UGT2B17: variants seen among roughly 807,000 people sequenced by gnomAD.
The protein encoded by UGT2B17 is UDP glucuronosyltransferase family 2 member B17.
In UGT2B17, 21 loss-of-function variants were observed where a neutral mutation model predicts 48.2. That is an observed-to-expected ratio of 0.44 (90% CI 0.31 to 0.63). The LOEUF (loss-of-function observed/expected upper bound fraction) is 0.63, where lower values mean the gene tolerates loss of function less well. UGT2B17 is among the 20% of genes least tolerant of loss of function. UGT2B17 has a pLI of 0.08. For missense variants in UGT2B17, 402 were observed against 696.1 expected (o/e 0.58, Z 4.75); for synonymous variants, 146 against 238.4 (o/e 0.61, Z 3.57).
At chr4:68,574,694 C>G (rs1214420799) in intron 1 of UGT2B17, among the ~76,000 whole-genome samples, 1 of 126,246 alleles carries the variant, frequency 7.9e-6, no homozygotes, top group Non-Finnish European at 1.7e-5. Context: ...TTATATTTTA[C>G]TTTTTTATAC....
intron 1 of UGT2B17, among the ~76,000 whole-genome samples, chr4:68,571,083 C>G (rs1731290683): frequency 8.0e-6 from 1 of 125,640 alleles, no homozygotes; most frequent in Non-Finnish European, 1.7e-5. Context: ...GTAAAAATTT[C>G]TAAAACAGCT....
intron 6 of UGT2B17, 152 bp downstream of exon 6, chr4:68,550,525 A>T: frequency 1.7e-6 from 1 of 571,462 alleles, no homozygotes; most frequent in Non-Finnish European, 2.5e-6. Flanking sequence ...ACTTTGAAAT[A>T]ATTGTCTGGT....
chr4:68,547,565 A>G lies in UGT2B17; in HGVS notation c.1313+3112T>C, dbSNP rs1343282910. On this transcript the variant is annotated intron_variant, in intron 6 of 6. Coordinates refer to ENST00000317746, the MANE Select transcript of UGT2B17 (RefSeq NM_001077.4). ...AAAAGCAATGGCAACAAAAGCCAAA[A>G]TTGACAAATGGGATCTCATTAAACT... Among the ~76,000 whole-genome samples the G allele has an allele frequency of 2.4e-5, 3 of 125,454 alleles. 1 individual carries two copies. Among genetic ancestry groups the G allele is most frequent in the Non-Finnish European group, 5.1e-5 (3 of 59,334 alleles). 82.3% of individuals were successfully genotyped at this position (125,454 alleles called of 152,430 possible). A position where few individuals can be genotyped will look rare whatever the true frequency, so the allele number is the denominator to read the frequency against.
In UGT2B17 at chr4:68,550,641, G is replaced by GT. The variant is rs745615918; in HGVS notation, c.1313+35dup. ...ATATTCACTGTTGACAAAATAATTT[G>GT]TAAGTACCACCTGGTCACAAAATTG... On this transcript the variant is annotated intron_variant, in intron 6 of 6. Transcript: ENST00000317746. The GT allele has an allele frequency of 3.0e-6, 4 of 1,331,932 alleles. 1 individual carries two copies. Among genetic ancestry groups the GT allele is most frequent in the Non-Finnish European group, 3.9e-6 (4 of 1,021,490 alleles). The allele number at this position is 1,331,932 out of a possible 1,614,324, so 82.5% of individuals were successfully genotyped here. A position where few individuals can be genotyped will look rare whatever the true frequency, so the allele number is the denominator to read the frequency against.
In UGT2B17 at chr4:68,552,072, C is replaced by T. The variant is rs1167316329; in HGVS notation, c.1006-161G>A. ...AGAACTACTAAAAGTCTGAGGTAAG[C>T]TGAATACCCACATTTAATATCTTTA... On this transcript the variant is annotated intron_variant, in intron 4 of 6. Transcript: ENST00000317746. 2.9e-4 allele frequency among the ~76,000 whole-genome samples: 37 copies of T among 126,368 alleles called. 7 individuals carry two copies. The highest frequency in any genetic ancestry group is 1.0e-3 in the African/African-American group (37 of 36,970). The allele number at this position is 126,368 out of a possible 152,430, so 82.9% of individuals were successfully genotyped here.
rs1288142651 is a variant in UGT2B17, at chr4:68,565,237, T to G, written c.873+335A>C. Among the ~76,000 whole-genome samples, 2 of 126,366 alleles carry G rather than the reference T, an allele frequency of 1.6e-5. 1 individual carries two copies. Among genetic ancestry groups the G allele is most frequent in the Non-Finnish European group, 3.4e-5 (2 of 59,686 alleles). The allele number at this position is 126,366 out of a possible 152,430, so 82.9% of individuals were successfully genotyped here. A position where few individuals can be genotyped will look rare whatever the true frequency, so the allele number is the denominator to read the frequency against. ...GGGCGCAGAAACTGTGCTACCTTTATTCTCTGAAAATCCAGCACTTACCTG... is the reference window on the plus strand; with the variant it reads ...GGGCGCAGAAACTGTGCTACCTTTAGTCTCTGAAAATCCAGCACTTACCTG... On this transcript the variant is annotated intron_variant, in intron 3 of 6. Coordinates refer to ENST00000317746, the MANE Select transcript of UGT2B17 (RefSeq NM_001077.4).
intron 4 of UGT2B17, among the ~76,000 whole-genome samples, chr4:68,555,255 T>C (rs1249908277): frequency 7.9e-6 from 1 of 125,920 alleles, no homozygotes; most frequent in Non-Finnish European, 1.7e-5. Flanking sequence ...TACAAAACTG[T>C]AAACCAAGCC....
chr4:68,568,384 C>T lies in UGT2B17; in HGVS notation c.101G>A (p.Ser34Asn). 1.4e-6 allele frequency: 2 copies of T among 1,380,248 alleles called. No individual in the cohort carries two copies. Among genetic ancestry groups the T allele is most frequent in the Non-Finnish European group, 1.9e-6 (2 of 1,055,274 alleles). 85.5% of individuals were successfully genotyped at this position (1,380,248 alleles called of 1,614,324 possible). Reference sequence around the variant, plus strand: ...GATTGTCTTCATATTTATCCAATGGCTGTATTCTGTGGGCCACACCAGCAC... The same window carrying T: ...GATTGTCTTCATATTTATCCAATGGTTGTATTCTGTGGGCCACACCAGCAC... ...GKVLVWPTEYSHWINMKTILE... is the reference protein window; with the variant it reads ...GKVLVWPTEYNHWINMKTILE... The change falls in exon 2 of 7, where the codon AGC becomes AAC. Residue 34 changes from serine (S) to asparagine (N), a missense_variant. Ser to Asn is a conservative substitution (Grantham distance 46, BLOSUM62 1). Transcript: ENST00000317746.
At chr4:68,558,570 T>A (rs1731046666) in intron 4 of UGT2B17, among the ~76,000 whole-genome samples, 2 of 125,830 alleles carry the variant, frequency 1.6e-5, no homozygotes, top group Admixed American at 1.6e-4. Context: ...TTTGTTTTTG[T>A]TTTTCTCACT....
In UGT2B17 at chr4:68,559,010, A is replaced by T. The variant is rs1446181288; in HGVS notation, c.1005+1527T>A. 1.8e-4 allele frequency among the ~76,000 whole-genome samples: 23 copies of T among 125,790 alleles called. 6 individuals are homozygous for T. The highest frequency in any genetic ancestry group is 2.2e-4 in the African/African-American group (8 of 37,086). 82.5% of individuals were successfully genotyped at this position (125,790 alleles called of 152,430 possible). ...GATTATCAATGAAATATTCAAATATATAAGAATTGTTAGGCAGTCTTAATT... is the reference window on the plus strand; with the variant it reads ...GATTATCAATGAAATATTCAAATATTTAAGAATTGTTAGGCAGTCTTAATT... On this transcript the variant is annotated intron_variant, in intron 4 of 6. Coordinates refer to ENST00000317746, the MANE Select transcript of UGT2B17 (RefSeq NM_001077.4).
At chr4:68,570,459 C>G (rs1350772835) in intron 1 of UGT2B17, among the ~76,000 whole-genome samples, 2 of 126,618 alleles carry the variant, frequency 1.6e-5, no homozygotes, top group African/African-American at 2.7e-5. Flanking sequence ...AGCCAGGCTG[C>G]CTGTCTTTGG....
In UGT2B17 at chr4:68,567,626, C is replaced by T. The variant is rs1396392098; in HGVS notation, c.724+135G>A. 3.2e-5 allele frequency: 23 copies of T among 710,814 alleles called. 6 individuals are homozygous for T. The highest frequency in any genetic ancestry group is 3.7e-5 in the Non-Finnish European group (19 of 507,762). 44.0% of individuals were successfully genotyped at this position (710,814 alleles called of 1,614,324 possible). A position where few individuals can be genotyped will look rare whatever the true frequency, so the allele number is the denominator to read the frequency against. ...GTCAACATTCTATATTTTTGAGACTCATAGATCATCTTACATTTGCAATTC... is the reference window on the plus strand; with the variant it reads ...GTCAACATTCTATATTTTTGAGACTTATAGATCATCTTACATTTGCAATTC... On this transcript the variant is annotated intron_variant, in intron 2 of 6. Coordinates refer to ENST00000317746, the MANE Select transcript of UGT2B17 (RefSeq NM_001077.4).
Position 68,556,096 on chromosome 4 carries a change from T to A in UGT2B17, c.1006-4185A>T, listed in dbSNP as rs1430261866. Among the ~76,000 whole-genome samples the A allele has an allele frequency of 3.3e-5, 4 of 122,744 alleles. 1 individual carries two copies. The highest frequency in any genetic ancestry group is 6.9e-5 in the Non-Finnish European group (4 of 58,154). 80.5% of individuals were successfully genotyped at this position (122,744 alleles called of 152,430 possible). The stretch of plus-strand genomic sequence containing the variant: ...CATGAATGATCTGTGTAAGTCACAA[T>A]AAGAAGATTAAAAAAACTTTTATAT... On this transcript the variant is annotated intron_variant, in intron 4 of 6. Coordinates refer to ENST00000317746, the MANE Select transcript of UGT2B17 (RefSeq NM_001077.4).
chr4:68,552,646 A>G (rs1162771024), intron 4 of UGT2B17, among the ~76,000 whole-genome samples: 1 of 124,484 alleles, frequency 8.0e-6, no homozygotes, highest in Non-Finnish European at 1.7e-5. Flanking sequence ...CCATGAAGAG[A>G]CTCTGAGTGG....
intron 6 of UGT2B17, among the ~76,000 whole-genome samples, chr4:68,541,302 A>T (rs1166230812): frequency 1.6e-5 from 2 of 126,530 alleles, no homozygotes; most frequent in African/African-American, 5.4e-5. Context: ...CAGTTTCACC[A>T]GCATCTGTTG....
Position 68,551,663 on chromosome 4 carries a change from C to A in UGT2B17, c.1093+161G>T, listed in dbSNP as rs1281663879. 1.6e-5 allele frequency among the ~76,000 whole-genome samples: 2 copies of A among 126,120 alleles called. 1 individual carries two copies. 82.7% of individuals were successfully genotyped at this position (126,120 alleles called of 152,430 possible). ...AAAATGCCAACTACCATAGTGTATTCTTCTTATACTAAGACTAGAAAATAA... is the reference window on the plus strand; with the variant it reads ...AAAATGCCAACTACCATAGTGTATTATTCTTATACTAAGACTAGAAAATAA... On this transcript the variant is annotated intron_variant, in intron 5 of 6. Transcript: ENST00000317746.
Position 68,568,035 on chromosome 4 carries a change from C to A in UGT2B17, c.450G>T (p.Leu150=), listed in dbSNP as rs1731235003. The A allele has an allele frequency of 4.3e-6, 6 of 1,382,728 alleles. 2 individuals carry two copies. Among genetic ancestry groups the A allele is most frequent in the Non-Finnish European group, 5.7e-6 (6 of 1,055,490 alleles). The allele number at this position is 1,382,728 out of a possible 1,614,324, so 85.7% of individuals were successfully genotyped here. Residue 150 remains leucine, a synonymous_variant, in exon 2 of 7, where the codon CTG becomes CTT. Coordinates refer to ENST00000317746, the MANE Select transcript of UGT2B17 (RefSeq NM_001077.4). Reference sequence around the variant, plus strand: ...CACCACAGGGATTAACGGCATCTGCCAGAAGGACATCAAATTTTGACTCTT... The same window carrying A: ...CACCACAGGGATTAACGGCATCTGCAAGAAGGACATCAAATTTTGACTCTT... The part of the protein sequence containing the change: ...KLQESKFDVL[L]ADAVNPCGEL...
intron 6 of UGT2B17, among the ~76,000 whole-genome samples, chr4:68,548,731 G>T (rs1730865317): frequency 8.1e-6 from 1 of 124,194 alleles, no homozygotes. Flanking sequence ...ACCTTGTTAG[G>T]CATATTCCTA....
chr4:68,550,835 G>A lies in UGT2B17; in HGVS notation c.1155C>T (p.Ile385=). The A allele has an allele frequency of 7.2e-7, 1 of 1,382,402 alleles. No homozygotes were observed. Among genetic ancestry groups the A allele is most frequent in the Non-Finnish European group, 9.4e-7 (1 of 1,059,676 alleles). The allele number at this position is 1,382,402 out of a possible 1,614,324, so 85.6% of individuals were successfully genotyped here. Residue 385 remains isoleucine (I), a synonymous_variant, in exon 6 of 7, where the codon ATC becomes ATT. Transcript: ENST00000317746. ...HGGTNGIYEA[I]YHGIPMVGIP... ...TGCCCACCATAGGGATCCCATGGTA[G>A]ATTGCCTCATAGATGCCATTGGTTC...
Sources: allele counts gnomAD v4.1 joint callset (sites outside exome capture counted in the v4.1 genomes callset), GRCh38; gene constraint gnomAD v4.1.1; transcripts MANE v1.5; gene names NCBI Gene and HGNC (gene_info 2026-07-23, HGNC 2026-07-21).